SCFD1: variants seen among roughly 807,000 people sequenced by gnomAD.
SCFD1 encodes sec1 family domain containing 1.
A neutral mutation model predicts 103.2 loss-of-function variants in SCFD1; 37 were observed. The ratio of observed to expected loss-of-function variants is 0.36; its 90% CI spans 0.28 to 0.47. The LOEUF is 0.47. Among genes scored for constraint, SCFD1 ranks in the 20% least tolerant of loss-of-function variants. The pLI is 1.00. For missense variants in SCFD1, 639 were observed against 761.2 expected, an observed-to-expected ratio of 0.84 and a Z score of 1.89; for synonymous variants, 264 against 245.0, an observed-to-expected ratio of 1.08 and a Z score of -0.73.
intron 8 of SCFD1, among the ~76,000 whole-genome samples, chr14:30,650,254 G>C (rs949715736): frequency 7.2e-6 from 1 of 139,778 alleles, no homozygotes; most frequent in African/African-American, 2.9e-5. Flanking sequence ...TGATAAAACA[G>C]TCATGCTTAG....
Position 30,702,322 on chromosome 14 carries a change from T to C in SCFD1, c.1437T>C (p.Ala479=). The C allele has an allele frequency of 1.2e-6, 2 of 1,602,000 alleles. No homozygotes were observed. Among genetic ancestry groups the C allele is most frequent in the Non-Finnish European group, 1.7e-6 (2 of 1,174,208 alleles). Residue 479 remains alanine (A), a synonymous_variant, in exon 17 of 25, where the codon GCT becomes GCC. Transcript: ENST00000458591. ...SEADLEQYKK[A]LTDAGCNLNP... ...CTGATTTGGAGCAATATAAAAAAGC[T>C]TTAACTGATGCAGGATGCAACCTTA...
intron 20 of SCFD1, among the ~76,000 whole-genome samples, chr14:30,718,116 C>A (rs925784157): frequency 1.3e-5 from 2 of 152,132 alleles, no homozygotes; most frequent in Non-Finnish European, 2.9e-5. Context: ...GAATCATTCC[C>A]TTCATGGAAT....
At chr14:30,633,762 TTACTAA>T (rs1358963991) in intron 3 of SCFD1, among the ~76,000 whole-genome samples, 179 bp from the exon 4 acceptor site, 2 of 152,118 alleles carry the variant, frequency 1.3e-5, no homozygotes, top group Non-Finnish European at 2.9e-5. Context: ...AATTAGGGTC[TTACTAA>T]TGCTAATAAA....
rs1214775912 is a variant in SCFD1, at chr14:30,733,735, CTGGTTTCTGTCATGTTCCCT to C, written c.1837-1045_1837-1026del. ...TAAAGATTGATTTTACATTTTTCACCTGGTTTCTGTCATGTTCCCTTGGTTTCTGCAGTTGAGCCTGGTCA... is the reference window on the plus strand; with the variant it reads ...TAAAGATTGATTTTACATTTTTCACCTGGTTTCTGCAGTTGAGCCTGGTCA... On this transcript the variant is annotated intron_variant, in intron 23 of 24. Coordinates refer to ENST00000458591, the MANE Select transcript of SCFD1 (RefSeq NM_016106.4). Among the ~76,000 whole-genome samples the C allele has an allele frequency of 2.6e-5, 4 of 152,304 alleles. No homozygotes were observed. In the East Asian group the frequency reaches 7.7e-4, roughly 29 times the overall value.
intron 10 of SCFD1, among the ~76,000 whole-genome samples, chr14:30,665,612 G>A (rs911334453): frequency 6.6e-6 from 1 of 152,118 alleles, no homozygotes; most frequent in African/African-American, 2.4e-5. Context: ...TGGATAAAGA[G>A]TCAAGACCCA....
chr14:30,645,831 T>C (rs1263577437), intron 7 of SCFD1, among the ~76,000 whole-genome samples: 3 of 152,182 alleles, frequency 2.0e-5, no homozygotes, highest in African/African-American at 7.2e-5. Flanking sequence ...TTCTCTTGCC[T>C]GATTGCTTTG....
At chr14:30,664,972 T>G (rs886658661) in intron 10 of SCFD1, among the ~76,000 whole-genome samples, 17 of 152,272 alleles carry the variant, frequency 1.1e-4, no homozygotes, top group African/African-American at 2.2e-4. Context: ...AAAACACTCT[T>G]CAGGATATTA....
intron 19 of SCFD1, among the ~76,000 whole-genome samples, chr14:30,713,937 A>C (rs1892076121): frequency 6.6e-6 from 1 of 152,180 alleles, no homozygotes; most frequent in Non-Finnish European, 1.5e-5. Context: ...TGGATAAAGC[A>C]TTTTAAAATC....
At chr14:30,725,096 A>G (rs565362092) in intron 23 of SCFD1, among the ~76,000 whole-genome samples, 2 of 152,224 alleles carry the variant, frequency 1.3e-5, no homozygotes, top group South Asian at 4.1e-4. Flanking sequence ...GCCCTGTACT[A>G]TAGTTTGAAG....
chr14:30,642,166 C>T (rs1885344644), intron 6 of SCFD1, among the ~76,000 whole-genome samples: 1 of 152,140 alleles, frequency 6.6e-6, no homozygotes, highest in Non-Finnish European at 1.5e-5. Flanking sequence ...CAGCTCACTG[C>T]AACCTCTGTC....
intron 10 of SCFD1, among the ~76,000 whole-genome samples, chr14:30,664,976 G>A (rs1005536200): frequency 6.6e-6 from 1 of 152,292 alleles, no homozygotes; most frequent in South Asian, 2.1e-4. Context: ...CACTCTTCAG[G>A]ATATTATCCA....
intron 14 of SCFD1, among the ~76,000 whole-genome samples, chr14:30,681,384 A>G (rs992384785): frequency 6.6e-6 from 1 of 152,166 alleles, no homozygotes; most frequent in Non-Finnish European, 1.5e-5. Context: ...TATATTTTTT[A>G]TACTTGCCAT....
chr14:30,728,863 G>A (rs79041733), intron 23 of SCFD1, among the ~76,000 whole-genome samples: 4 of 95,148 alleles, frequency 4.2e-5, no homozygotes, highest in Non-Finnish European at 6.0e-5. Context: ...TTTTCCCCCC[G>A]AGACGGAGTC....
chr14:30,692,030 C>G (rs773432442), intron 14 of SCFD1, among the ~76,000 whole-genome samples: 1 of 151,906 alleles, frequency 6.6e-6, no homozygotes, highest in Non-Finnish European at 1.5e-5. Flanking sequence ...AAGCGATCCT[C>G]TCACCTCAGC....
chr14:30,640,566 A>G (rs1421275393), intron 6 of SCFD1, among the ~76,000 whole-genome samples: 1 of 151,182 alleles, frequency 6.6e-6, no homozygotes, highest in Non-Finnish European at 1.5e-5. Flanking sequence ...ATTAACTCAT[A>G]TTGAACAGAT....
At chr14:30,707,063 T>G (rs778067177) in intron 18 of SCFD1, among the ~76,000 whole-genome samples, 1 of 152,196 alleles carries the variant, frequency 6.6e-6, no homozygotes, top group Non-Finnish European at 1.5e-5. Context: ...TAAGGCAAGA[T>G]GAGGAAAAGG....
intron 17 of SCFD1, among the ~76,000 whole-genome samples, chr14:30,703,910 C>CATATATATATATATATATAT (rs71443380): frequency 2.5e-5 from 1 of 39,550 alleles, no homozygotes; most frequent in Non-Finnish European, 6.4e-5. Context: ...GGAATATTTG[C>CATATATATATATATATATAT]ATATATATAT....
chr14:30,707,928 C>G (rs1891587783), intron 18 of SCFD1, 62 bp from the exon 19 acceptor site: 1 of 1,080,140 alleles, frequency 9.3e-7, no homozygotes. Flanking sequence ...AATATTTTAT[C>G]GATAACAGAT....
chr14:30,644,700 T>G (rs879831928), intron 7 of SCFD1, among the ~76,000 whole-genome samples: 2 of 152,194 alleles, frequency 1.3e-5, no homozygotes, highest in Admixed American at 1.3e-4. Flanking sequence ...TTAATGGGGT[T>G]GTTTTTGCTT....
Sources: gnomAD v4.1 joint callset for allele counts (sites outside exome capture counted in the v4.1 genomes callset) on GRCh38, gnomAD v4.1.1 for gene constraint, MANE v1.5 for transcripts, NCBI Gene and HGNC (gene_info 2026-07-23, HGNC 2026-07-21) for gene names.